Variants in ZNF423 observed in about 807,000 individuals in gnomAD.
ZNF423 encodes zinc finger protein 423.
A neutral mutation model predicts 95.8 loss-of-function variants in ZNF423; 12 were observed. That is an observed-to-expected ratio of 0.13 (90% CI 0.08 to 0.20). The LOEUF is 0.20. Among genes scored for constraint, ZNF423 ranks in the 10% least tolerant of loss-of-function variants. ZNF423 has a pLI of 1.00. For synonymous variants in ZNF423, 749 were observed against 711.9 expected (o/e 1.05, Z -0.83); for missense variants, 1,316 against 1,737.1 (o/e 0.76, Z 4.31).
chr16:49,759,659 C>A (rs2033791375), intron 2 of ZNF423, among the ~76,000 whole-genome samples: 1 of 152,202 alleles, frequency 6.6e-6, no homozygotes, highest in Non-Finnish European at 1.5e-5. Flanking sequence ...AATCCAGACA[C>A]CCTCTGAAAC....
At chr16:49,856,337 A>AG, upstream of ZNF423, among the ~76,000 whole-genome samples, 1 of 145,854 alleles carries the variant, frequency 6.9e-6, no homozygotes, top group Middle Eastern at 3.5e-3. Context: ...AACCCATCTG[A>AG]GGAGGGGGAA....
chr16:49,557,751 G>A (rs1969881504), intron 5 of ZNF423, among the ~76,000 whole-genome samples: 1 of 152,210 alleles, frequency 6.6e-6, no homozygotes, highest in Non-Finnish European at 1.5e-5. Flanking sequence ...AAGGATGGTA[G>A]AAGGCCTCCT....
intron 3 of ZNF423, among the ~76,000 whole-genome samples, chr16:49,668,027 AGG>A (rs2030625917): frequency 6.6e-6 from 1 of 152,138 alleles, no homozygotes; most frequent in African/African-American, 2.4e-5. Flanking sequence ...TTCCTTCCCG[AGG>A]CAACCTGTTC....
chr16:49,731,010 G>C, intron 2 of ZNF423, 39 bp from the exon 3 acceptor site: 1 of 1,602,850 alleles, frequency 6.2e-7, no homozygotes, highest in Non-Finnish European at 8.5e-7. Context: ...CAGCTGATGG[G>C]GTCTTGGGAA....
chr16:49,525,304 C>T, intron 6 of ZNF423, 59 bp downstream of exon 6: 2 of 1,595,790 alleles, frequency 1.3e-6, no homozygotes, highest in Non-Finnish European at 1.7e-6. Context: ...CCCGCAATAA[C>T]AGGGCAGGGC....
chr16:49,671,270 AGGTGTGAAGGG>A (rs1253968501), intron 3 of ZNF423, among the ~76,000 whole-genome samples: 1 of 152,166 alleles, frequency 6.6e-6, no homozygotes, highest in African/African-American at 2.4e-5. Context: ...GTAAGGGACG[AGGTGTGAAGGG>A]GGTCCCCTCT....
At chr16:49,661,583 C>A (rs960405246) in intron 3 of ZNF423, among the ~76,000 whole-genome samples, 3 of 152,202 alleles carry the variant, frequency 2.0e-5, no homozygotes, top group Non-Finnish European at 4.4e-5. Flanking sequence ...GTCCAATGGA[C>A]CAACAGTAAA....
chr16:49,771,854 C>G (rs770513811), intron 2 of ZNF423, among the ~76,000 whole-genome samples: 1 of 152,134 alleles, frequency 6.6e-6, no homozygotes, highest in Non-Finnish European at 1.5e-5. Flanking sequence ...AGAGAAAATT[C>G]AGCTCCCACA....
chr16:49,539,676 G>GT (rs934418481), intron 5 of ZNF423, among the ~76,000 whole-genome samples: 5 of 152,322 alleles, frequency 3.3e-5, no homozygotes, highest in African/African-American at 1.2e-4. Flanking sequence ...GGTGGTGGGT[G>GT]TGGGGGGTGT....
chr16:49,520,685 C>G (rs1397452794), intron 7 of ZNF423, among the ~76,000 whole-genome samples: 1 of 152,238 alleles, frequency 6.6e-6, no homozygotes, highest in African/African-American at 2.4e-5. Flanking sequence ...TTGCCTCCCA[C>G]TGCCCCACCC....
chr16:49,528,995 C>A (rs541969071), intron 5 of ZNF423, among the ~76,000 whole-genome samples: 3 of 151,962 alleles, frequency 2.0e-5, no homozygotes, highest in African/African-American at 4.8e-5. Context: ...TATATAAGAT[C>A]GCACAGTGCT....
intron 5 of ZNF423, among the ~76,000 whole-genome samples, chr16:49,587,483 G>T (rs1314559661): frequency 6.6e-6 from 1 of 152,146 alleles, no homozygotes; most frequent in Non-Finnish European, 1.5e-5. Flanking sequence ...CAGGTGGAAG[G>T]AGCTGATCTA....
intron 2 of ZNF423, 127 bp downstream of exon 2, chr16:49,789,360 G>T: frequency 1.2e-6 from 1 of 831,720 alleles, no homozygotes; most frequent in Non-Finnish European, 1.9e-6. Context: ...GCATGGGGTA[G>T]TCTGGATTGG....
chr16:49,822,642 C>G (rs370792429), intron 1 of ZNF423: 1 of 1,582,094 alleles, frequency 6.3e-7, no homozygotes, highest in African/African-American at 1.4e-5. Context: ...CTTGCCCCAC[C>G]CCTCAGCCCA....
intron 5 of ZNF423, among the ~76,000 whole-genome samples, chr16:49,618,427 G>C (rs1410868226): frequency 6.6e-6 from 1 of 152,184 alleles, no homozygotes; most frequent in Non-Finnish European, 1.5e-5. Context: ...CGTGTCGAGA[G>C]AGGAAGGTGA....
At chr16:49,709,168 T>TTTTTTATATATATATATATATATA (rs68002485) in intron 3 of ZNF423, among the ~76,000 whole-genome samples, 1 of 93,420 alleles carries the variant, frequency 1.1e-5, no homozygotes, top group Admixed American at 1.0e-4. Context: ...CAGCAGCCGT[T>TTTTTTATATATATATATATATATA]TATATATATA....
chr16:49,844,830 A>G (rs149532719), intron 1 of ZNF423, among the ~76,000 whole-genome samples: 97 of 152,128 alleles, frequency 6.4e-4, no homozygotes, highest in African/African-American at 2.1e-3. Context: ...TGAGGTCGGG[A>G]GATCAAGTCC....
intron 2 of ZNF423, among the ~76,000 whole-genome samples, chr16:49,784,802 T>C (rs1011543056): frequency 6.6e-6 from 1 of 151,722 alleles, no homozygotes; most frequent in Admixed American, 6.6e-5. Flanking sequence ...ATACAAAAAT[T>C]AGTCAGGTGT....
chr16:49,631,268 C>T (rs899101904), intron 4 of ZNF423, among the ~76,000 whole-genome samples: 1 of 152,196 alleles, frequency 6.6e-6, no homozygotes, highest in Non-Finnish European at 1.5e-5. Flanking sequence ...CACACACCCT[C>T]ATGTACACAC....
Sources: allele counts gnomAD v4.1 joint callset (sites outside exome capture counted in the v4.1 genomes callset), GRCh38; gene constraint gnomAD v4.1.1; transcripts MANE v1.5; gene names NCBI Gene and HGNC (gene_info 2026-07-23, HGNC 2026-07-21).